Variants in AKAP6 observed in about 807,000 individuals in gnomAD.
The protein encoded by AKAP6 is A-kinase anchor protein 6.
In AKAP6, 58 loss-of-function variants were observed where a neutral mutation model predicts 188.5. The observed-to-expected ratio is 0.31, with a 90% CI of 0.25 to 0.38. The LOEUF is 0.38. AKAP6 is among the 10% of genes least tolerant of loss of function. AKAP6 has a pLI of 1.00. For missense variants in AKAP6, 2,710 were observed against 2,740.0 expected (o/e 0.99, Z 0.24); for synonymous variants, 989 against 998.6 (o/e 0.99, Z 0.18).
intron 2 of AKAP6, among the ~76,000 whole-genome samples, chr14:32,501,312 A>C (rs1880599652): frequency 6.6e-6 from 1 of 152,146 alleles, no homozygotes; most frequent in Non-Finnish European, 1.5e-5. Context: ...GGACTAGCAA[A>C]AACATTTCAA....
chr14:32,575,964 C>T (rs1324538490), intron 4 of AKAP6, among the ~76,000 whole-genome samples: 2 of 152,048 alleles, frequency 1.3e-5, no homozygotes, highest in Non-Finnish European at 2.9e-5. Flanking sequence ...TACCACTCTC[C>T]ACAATTCCAT....
intron 2 of AKAP6, among the ~76,000 whole-genome samples, chr14:32,498,093 G>A (rs914038611): frequency 2.6e-5 from 4 of 152,136 alleles, no homozygotes; most frequent in Non-Finnish European, 4.4e-5. Context: ...GTTTTCAGTC[G>A]TCCTTCTACA....
chr14:32,339,247 C>T (rs1337697497), intron 1 of AKAP6, among the ~76,000 whole-genome samples: 1 of 152,102 alleles, frequency 6.6e-6, no homozygotes, highest in Non-Finnish European at 1.5e-5. Flanking sequence ...CCACATAACC[C>T]TGTGAGAGGA....
At chr14:32,675,327 G>T (rs1889382185) in intron 7 of AKAP6, among the ~76,000 whole-genome samples, 1 of 152,156 alleles carries the variant, frequency 6.6e-6, no homozygotes, top group African/African-American at 2.4e-5. Context: ...TGAGTAAGTT[G>T]CCAAAGTATT....
intron 2 of AKAP6, among the ~76,000 whole-genome samples, chr14:32,531,656 C>T (rs1882421963): frequency 2.0e-5 from 3 of 152,140 alleles, no homozygotes; most frequent in Non-Finnish European, 4.4e-5. Flanking sequence ...CTCCCCATCC[C>T]CAGTCTCTAG....
At chr14:32,583,129 T>G (rs1337390708) in intron 5 of AKAP6, among the ~76,000 whole-genome samples, 1 of 152,134 alleles carries the variant, frequency 6.6e-6, no homozygotes, top group Admixed American at 6.5e-5. Context: ...TTTATCTACT[T>G]TTGGTCTTTG....
At chr14:32,761,145 CT>C (rs33996858) in intron 11 of AKAP6, among the ~76,000 whole-genome samples, 25,827 of 152,110 alleles carry the variant, frequency 0.17, 3,804 homozygotes, top group African/African-American at 0.4. Context: ...CCATCTCTAC[CT>C]TTGCCTCTTC....
At chr14:32,440,416 G>A (rs1478803784) in intron 2 of AKAP6, among the ~76,000 whole-genome samples, 6 of 151,726 alleles carry the variant, frequency 4.0e-5, no homozygotes, top group African/African-American at 7.3e-5. Flanking sequence ...CCAACATGGC[G>A]AACATATACA....
chr14:32,665,246 C>T (rs1888875946), intron 7 of AKAP6, among the ~76,000 whole-genome samples: 1 of 152,030 alleles, frequency 6.6e-6, no homozygotes, highest in Non-Finnish European at 1.5e-5. Context: ...CAAGACTTCC[C>T]CCAACCCCCA....
At chr14:32,774,005 A>T (rs2032979688) in intron 12 of AKAP6, 112 bp downstream of exon 12, 1 of 1,210,792 alleles carries the variant, frequency 8.3e-7, no homozygotes, top group African/African-American at 1.5e-5. Flanking sequence ...TAACTAACTT[A>T]AAGTGGTTTT....
At chr14:32,735,919 TTTTATGGTAGGGATGAAATA>T in intron 11 of AKAP6, 37 bp downstream of exon 11, 1 of 1,478,522 alleles carries the variant, frequency 6.8e-7, no homozygotes, top group South Asian at 1.3e-5. Flanking sequence ...AAAAAGCTCT[TTTTATGGTAGGGATGAAATA>T]TTTATCAAGT....
intron 3 of AKAP6, among the ~76,000 whole-genome samples, chr14:32,539,499 T>C (rs1228335818): frequency 1.3e-5 from 2 of 152,172 alleles, no homozygotes; most frequent in Non-Finnish European, 2.9e-5. Flanking sequence ...CAGCACATAG[T>C]TCATATTGCT....
intron 7 of AKAP6, among the ~76,000 whole-genome samples, chr14:32,640,920 T>G (rs1887727943): frequency 6.6e-6 from 1 of 152,180 alleles, no homozygotes; most frequent in African/African-American, 2.4e-5. Context: ...AATACATAAG[T>G]GAGGAATCAT....
chr14:32,477,722 A>G (rs1879145448), intron 2 of AKAP6, among the ~76,000 whole-genome samples: 1 of 152,206 alleles, frequency 6.6e-6, no homozygotes, highest in Non-Finnish European at 1.5e-5. Context: ...TTTTCTTTAT[A>G]GCAATCTTGC....
At chr14:32,439,234 G>A (rs1890487291) in intron 2 of AKAP6, among the ~76,000 whole-genome samples, 1 of 152,212 alleles carries the variant, frequency 6.6e-6, no homozygotes, top group Non-Finnish European at 1.5e-5. Context: ...GGGGTCTGGA[G>A]GGCCTACTGG....
At chr14:32,419,077 G>A (rs774713352) in intron 1 of AKAP6, among the ~76,000 whole-genome samples, 3 of 152,152 alleles carry the variant, frequency 2.0e-5, no homozygotes, top group Admixed American at 6.5e-5. Flanking sequence ...ATGCTTGACT[G>A]TAATGAAATT....
chr14:32,603,171 G>A (rs1886000024), intron 7 of AKAP6, among the ~76,000 whole-genome samples: 1 of 152,100 alleles, frequency 6.6e-6, no homozygotes, highest in Non-Finnish European at 1.5e-5. Flanking sequence ...CCCTGTTGTT[G>A]GACAAGGGGA....
rs758998554 is a variant in AKAP6, at chr14:32,546,482, C to A, written c.1829C>A (p.Ser610Tyr). The part of the protein sequence containing the change: ...KHKSKKGQAS[S>Y]PSHVTRNGEV... Reference sequence around the variant, plus strand: ...AAAAGCAAAAAAGGTCAAGCCTCCTCTCCAAGTCACGTCACTAGGAATGGT... The same window carrying A: ...AAAAGCAAAAAAGGTCAAGCCTCCTATCCAAGTCACGTCACTAGGAATGGT... The change falls in exon 4 of 14, where the codon TCT becomes TAT. Residue 610 changes from serine (S) to tyrosine (Y), a missense_variant. Transcript: ENST00000280979. 30 of 1,614,076 alleles carry A rather than the reference C, an allele frequency of 1.9e-5. No homozygotes were observed. The highest frequency in any genetic ancestry group is 8.3e-5 in the Admixed American group (5 of 60,012).
At chr14:32,362,866 A>C (rs559016115) in intron 1 of AKAP6, among the ~76,000 whole-genome samples, 10 of 152,274 alleles carry the variant, frequency 6.6e-5, no homozygotes, top group African/African-American at 2.4e-4. Context: ...GGAATGTTAT[A>C]GGTCAGGTGA....
Sources: allele counts gnomAD v4.1 joint callset (sites outside exome capture counted in the v4.1 genomes callset), GRCh38; gene constraint gnomAD v4.1.1; transcripts MANE v1.5; gene names NCBI Gene and HGNC (gene_info 2026-07-23, HGNC 2026-07-21).